The following HSPA12B variants were observed in gnomAD, a reference collection of about 807,000 sequenced individuals.
The protein encoded by HSPA12B is heat shock 70 kDa protein 12B.
A neutral mutation model predicts 69.3 loss-of-function variants in HSPA12B; 54 were observed. That is an observed-to-expected ratio of 0.78 (90% CI 0.63 to 0.98). The LOEUF is 0.98. Among genes scored for constraint, HSPA12B ranks in the 50% least tolerant of loss-of-function variants. The pLI, the probability that HSPA12B is intolerant of heterozygous loss-of-function variation, is 0.00. For missense variants in HSPA12B, 929 were observed against 999.8 expected (o/e 0.93, Z 0.96); for synonymous variants, 441 against 436.5 (o/e 1.01, Z -0.13).
At chr20:3,750,503 C>G (rs1490984878) in intron 11 of HSPA12B, among the ~76,000 whole-genome samples, 3 of 152,120 alleles carry the variant, frequency 2.0e-5, no homozygotes, top group Non-Finnish European at 4.4e-5. Context: ...CTTCTCTACA[C>G]CCCCACCCCG....
At chr20:3,743,851 A>G (rs2088251120) in intron 4 of HSPA12B, among the ~76,000 whole-genome samples, 1 of 152,092 alleles carries the variant, frequency 6.6e-6, no homozygotes, top group East Asian at 1.9e-4. Flanking sequence ...AACATCTCAA[A>G]TCTTTTTTCT....
chr20:3,751,581 A>AGCGGTGCTGCAGCAC lies in HSPA12B; in HGVS notation c.1484_1498dup (p.Leu495_Val499dup), dbSNP rs1159816952. The AGCGGTGCTGCAGCAC allele has an allele frequency of 3.3e-6, 5 of 1,503,578 alleles. No homozygotes were observed. The African/African-American group carries it at 5.7e-5, about 17-fold the overall frequency. The allele number at this position is 1,503,578 out of a possible 1,614,324, so 93.1% of individuals were successfully genotyped here. On this transcript the variant is annotated inframe_insertion, in exon 13 of 13. Transcript: ENST00000254963. ...TCCTAGTGGGCGGCTTCGCCGAGTC[A>AGCGGTGCTGCAGCAC]GCGGTGCTGCAGCACGCGGTGCAGG...
In HSPA12B at chr20:3,750,792, C is replaced by T; in HGVS notation, c.1302-12C>T. ...CTGACCGATGGATATTTGCCCCTTT[C>T]ACCACCAACAGCGTGAACTTCGTGA... On this transcript the variant is annotated splice_polypyrimidine_tract_variant and intron_variant, in intron 11 of 12. Coordinates refer to ENST00000254963, the MANE Select transcript of HSPA12B (RefSeq NM_052970.5). 1 of 1,613,700 alleles carries T rather than the reference C, an allele frequency of 6.2e-7. No individual in the cohort carries two copies. Among genetic ancestry groups the T allele is most frequent in the Non-Finnish European group, 8.5e-7 (1 of 1,179,918 alleles).
intron 8 of HSPA12B, among the ~76,000 whole-genome samples, 195 bp downstream of exon 8, chr20:3,748,586 AG>A (rs1208268278): frequency 6.6e-6 from 1 of 152,164 alleles, no homozygotes; most frequent in Non-Finnish European, 1.5e-5. Context: ...ACCTCGTCTC[AG>A]GGTGGGACAT....
Position 3,740,609 on chromosome 20 carries a change from A to G in HSPA12B, c.44-206A>G, listed in dbSNP as rs760442785. On this transcript the variant is annotated intron_variant, in intron 2 of 12. Transcript: ENST00000254963. This position sits in a 1 kb window ranked among gnomAD's most constrained non-coding sequence, Gnocchi z 4.9. Reference sequence around the variant, plus strand: ...GGAAAGCATGGGTCATCTGCTAGGGAAACGTTGCCTCTGACAGCAGACCCT... The same window carrying G: ...GGAAAGCATGGGTCATCTGCTAGGGGAACGTTGCCTCTGACAGCAGACCCT... 1.3e-5 allele frequency among the ~76,000 whole-genome samples: 2 copies of G among 152,116 alleles called. No homozygotes were observed.
chr20:3,751,032 T>C (rs909256439), intron 12 of HSPA12B, 125 bp downstream of exon 12: 41 of 921,564 alleles, frequency 4.4e-5, no homozygotes, highest in Middle Eastern at 2.1e-4. Flanking sequence ...TAGAATCATC[T>C]AGAACACCTG....
chr20:3,747,907 C>T (rs892151748), intron 7 of HSPA12B, among the ~76,000 whole-genome samples: 2 of 152,260 alleles, frequency 1.3e-5, no homozygotes, highest in Admixed American at 1.3e-4. Flanking sequence ...GCTGCAGCCC[C>T]GCTATCTTGG....
Position 3,740,814 on chromosome 20 carries a change from G to A in HSPA12B, c.44-1G>A, listed in dbSNP as rs370353203. The A allele has an allele frequency of 1.4e-5, 23 of 1,613,120 alleles. No homozygotes were observed. The highest frequency in any genetic ancestry group is 1.9e-5 in the Non-Finnish European group (23 of 1,179,710). ...GATGAACTGCCGTCTCTTCTCTGCAGGCTCCAGCCCGGAGCGGTCCCCAGT... is the reference window on the plus strand; with the variant it reads ...GATGAACTGCCGTCTCTTCTCTGCAAGCTCCAGCCCGGAGCGGTCCCCAGT... On this transcript the variant is annotated splice_acceptor_variant, in intron 2 of 12. Transcript: ENST00000254963. LOFTEE classifies it high-confidence loss of function. This position sits in a 1 kb window ranked among gnomAD's most constrained non-coding sequence, Gnocchi z 4.9.
At position 3,744,171 on chromosome 20, in the gene HSPA12B, G is replaced by A. The variant is rs1280439630; in HGVS notation, c.267-731G>A. Among the ~76,000 whole-genome samples, 1 of 152,184 alleles carries A rather than the reference G, an allele frequency of 6.6e-6. No individual in the cohort carries two copies. Among genetic ancestry groups the A allele is most frequent in the Admixed American group, 6.5e-5 (1 of 15,274 alleles). Reference sequence around the variant, plus strand: ...GCTTCCCAAGGCCTGGAGACTGGATGGAAGGGTGAATGGAGACATAGACAG... The same window carrying A: ...GCTTCCCAAGGCCTGGAGACTGGATAGAAGGGTGAATGGAGACATAGACAG... On this transcript the variant is annotated intron_variant, in intron 4 of 12. Transcript: ENST00000254963. The surrounding 1 kb of genome is among the most constrained non-coding windows in gnomAD (Gnocchi z 4.9).
Position 3,750,891 on chromosome 20 carries a change from G to T in HSPA12B, c.1389G>T (p.Gly463=). The part of the protein sequence containing the change: ...MNELFQPTVS[G]IIQHIEALLA... ...AGCTCTTTCAGCCCACCGTCAGCGG[G>T]ATCATCCAGCACATAGGTGAGCACC... Residue 463 remains glycine (G), a synonymous_variant, in exon 12 of 13, where the codon GGG becomes GGT. Transcript: ENST00000254963. 6.2e-7 allele frequency: 1 copy of T among 1,613,992 alleles called. No individual in the cohort carries two copies.
Position 3,751,523 on chromosome 20 carries a change from C to A in HSPA12B, c.1418C>A (p.Ala473Glu). 6.9e-7 allele frequency: 1 copy of A among 1,441,746 alleles called. No individual in the cohort carries two copies. The highest frequency in any genetic ancestry group is 9.1e-7 in the Non-Finnish European group (1 of 1,098,458). The allele number at this position is 1,441,746 out of a possible 1,614,324, so 89.3% of individuals were successfully genotyped here. A position where few individuals can be genotyped will look rare whatever the true frequency, so the allele number is the denominator to read the frequency against. ...TCCTGTCCCGCAGAGGCCCTGCTGG[C>A]ACGGCCGGAGGTGCAGGGTGTGAAG... ...GIIQHIEALL[A>E]RPEVQGVKLL... The change falls in exon 13 of 13, where the codon GCA becomes GAA. Residue 473 changes from alanine (A) to glutamate (E), a missense_variant. Ala to Glu is a moderately radical substitution (Grantham distance 107). Around this residue, in one of 3 missense-constraint regions of HSPA12B, gnomAD observed 448 missense variants for 448.1 expected, o/e 1.00. Coordinates refer to ENST00000254963, the MANE Select transcript of HSPA12B (RefSeq NM_052970.5).
chr20:3,745,407 G>A lies in HSPA12B; in HGVS notation c.454-86G>A. On this transcript the variant is annotated intron_variant, in intron 5 of 12. Coordinates refer to ENST00000254963, the MANE Select transcript of HSPA12B (RefSeq NM_052970.5). The surrounding 1 kb of genome is among the most constrained non-coding windows in gnomAD (Gnocchi z 5.6). ...TGGTAAAGAGGAGGGGAAGCTCCAG[G>A]AAACGGGGTGATTTTAAGAGCGAGG... is the stretch of plus-strand genomic sequence containing the variant. 2.1e-6 allele frequency: 2 copies of A among 974,698 alleles called. No homozygotes were observed. The highest frequency in any genetic ancestry group is 2.4e-5 in the East Asian group (1 of 41,500). The allele number at this position is 974,698 out of a possible 1,614,324, so 60.4% of individuals were successfully genotyped here. A position where few individuals can be genotyped will look rare whatever the true frequency, so the allele number is the denominator to read the frequency against.
In HSPA12B at chr20:3,749,251, G is replaced by A. The variant is rs1206967956; in HGVS notation, c.870G>A (p.Arg290=). 3 of 1,613,056 alleles carry A rather than the reference G, an allele frequency of 1.9e-6. No individual in the cohort carries two copies. The highest frequency in any genetic ancestry group is 2.5e-6 in the Non-Finnish European group (3 of 1,179,686). ...SFRQAREQLR[R]SRHSRTFLVE... is the part of the protein sequence containing the mutation. The stretch of plus-strand genomic sequence containing the variant: ...CCCCAGCTCGGGAGCAGCTGCGAAG[G>A]TCCCGCCACAGCCGCACGTTCCTGG... Residue 290 remains arginine (R), a synonymous_variant, in exon 9 of 13, where the codon AGG becomes AGA. Transcript: ENST00000254963. This position sits in a 1 kb window ranked among gnomAD's most constrained non-coding sequence, Gnocchi z 5.5.
rs962334953 is a variant in HSPA12B, at chr20:3,737,695, C to T, written c.-17-963C>T. The stretch of plus-strand genomic sequence containing the variant: ...GTTCTCCTCGTGACAGAGTGACACC[C>T]TATCTCAAAACAAACAAACAACGAA... On this transcript the variant is annotated intron_variant, in intron 1 of 12. Transcript: ENST00000254963. This position sits in a 1 kb window ranked among gnomAD's most constrained non-coding sequence, Gnocchi z 4.1. Among the ~76,000 whole-genome samples, 1 of 152,110 alleles carries T rather than the reference C, an allele frequency of 6.6e-6. No homozygotes were observed. The highest frequency in any genetic ancestry group is 1.5e-5 in the Non-Finnish European group (1 of 68,012).
rs1203408248 is a variant in HSPA12B at position 3,750,805 on chromosome 20, G to A, written c.1303G>A (p.Val435Met). 7 of 1,613,702 alleles carry A rather than the reference G, an allele frequency of 4.3e-6. No individual in the cohort carries two copies. In the East Asian group the frequency reaches 6.7e-5, roughly 15 times the overall value. The change falls in exon 12 of 13, where the codon GTG becomes ATG. Residue 435 changes from valine to methionine, a missense_variant and splice_region_variant. Val to Met is a conservative substitution (Grantham distance 21). This residue lies in a region of HSPA12B where 448 missense variants were observed against 448.1 expected (regional missense o/e 1.00). Transcript: ENST00000254963. The part of the protein sequence containing the change: ...NVETALRRSS[V>M]NFVKWSSQGM... ...ATTTGCCCCTTTCACCACCAACAGC[G>A]TGAACTTCGTGAAGTGGTCCTCACA...
intron 8 of HSPA12B, 32 bp downstream of exon 8, chr20:3,748,423 T>A: frequency 6.6e-7 from 1 of 1,526,516 alleles, no homozygotes; most frequent in South Asian, 1.2e-5. Flanking sequence ...CACCCACCCC[T>A]GGAGGGTCAG....
rs184853534 is a variant in HSPA12B, at chr20:3,745,174, G to A, written c.453+86G>A. On this transcript the variant is annotated intron_variant, in intron 5 of 12. Transcript: ENST00000254963. This position sits in a 1 kb window ranked among gnomAD's most constrained non-coding sequence, Gnocchi z 5.6. ...GGGGTGGGTGGGACAAAACCAAAAC[G>A]TGTGAGGACCGGCCCGATGGAGTCG... The A allele has an allele frequency of 7.3e-6, 9 of 1,240,490 alleles. No individual in the cohort carries two copies. The highest frequency in any genetic ancestry group is 4.5e-5 in the African/African-American group (3 of 67,182). The allele number at this position is 1,240,490 out of a possible 1,614,324, so 76.8% of individuals were successfully genotyped here.
chr20:3,751,924 A>C lies in HSPA12B; in HGVS notation c.1819A>C (p.Asn607His). Residue 607 changes from asparagine to histidine, a missense_variant, in exon 13 of 13, where the codon AAC (asparagine) becomes CAC (histidine). Asn to His is a moderately conservative substitution (Grantham distance 68, BLOSUM62 1). Around this residue, in one of 3 missense-constraint regions of HSPA12B, gnomAD observed 448 missense variants for 448.1 expected, o/e 1.00. Transcript: ENST00000254963. ...TCCCGGCCAGCGGCGCGTACTCATC[A>C]ACCTGTACTGCTGCGCGGCAGAGGA... ...ARPGQRRVLI[N>H]LYCCAAEDAR... The C allele has an allele frequency of 6.3e-7, 1 of 1,587,372 alleles. No homozygotes were observed. Among genetic ancestry groups the C allele is most frequent in the Non-Finnish European group, 8.5e-7 (1 of 1,171,898 alleles).
At position 3,752,338 on chromosome 20, in the gene HSPA12B, A is replaced by C; in HGVS notation, c.*172A>C. On this transcript the variant is annotated 3_prime_UTR_variant, in exon 13 of 13. Coordinates refer to ENST00000254963, the MANE Select transcript of HSPA12B (RefSeq NM_052970.5). ...TGGGAGAGTGGGTGGGGACACACCC[A>C]GAGACTGGCTTTGGGATTGGGCACT... The C allele has an allele frequency of 3.3e-6, 2 of 607,774 alleles. No individual in the cohort carries two copies. The highest frequency in any genetic ancestry group is 6.7e-5 in the East Asian group (2 of 29,724). The allele number at this position is 607,774 out of a possible 1,614,324, so 37.6% of individuals were successfully genotyped here. A position where few individuals can be genotyped will look rare whatever the true frequency, so the allele number is the denominator to read the frequency against.
Sources: allele counts gnomAD v4.1 joint callset (sites outside exome capture counted in the v4.1 genomes callset), GRCh38; gene constraint gnomAD v4.1.1; regional missense constraint gnomAD v4.1.1; non-coding constraint Gnocchi (gnomAD v3.1); transcripts MANE v1.5; gene names NCBI Gene and HGNC (gene_info 2026-07-23, HGNC 2026-07-21).